FAM83B: variants seen among roughly 807,000 people sequenced by gnomAD.
The protein encoded by FAM83B is scaffolding CK1 anchoring protein B.
FAM83B carries 26 observed loss-of-function variants against 38.8 expected under a neutral mutation model. The observed-to-expected ratio is 0.67, with a 90% CI of 0.49 to 0.93. FAM83B has a LOEUF of 0.93. FAM83B is among the 40% of genes least tolerant of loss of function. FAM83B has a pLI of 0.00. For synonymous variants in FAM83B, 419 were observed against 423.1 expected, an observed-to-expected ratio of 0.99 and a Z score of 0.12; for missense variants, 1,237 against 1,197.3, an observed-to-expected ratio of 1.03 and a Z score of -0.49.
chr6:54,935,847 A>G (rs1279125833), intron 4 of FAM83B, among the ~76,000 whole-genome samples: 1 of 152,138 alleles, frequency 6.6e-6, no homozygotes, highest in Non-Finnish European at 1.5e-5. Context: ...AAAAGAGGGC[A>G]TTCAAAGATG....
chr6:54,915,557 A>C (rs1229178904), intron 2 of FAM83B, among the ~76,000 whole-genome samples: 1 of 91,332 alleles, frequency 1.1e-5, no homozygotes, highest in Non-Finnish European at 2.1e-5. Context: ...CTGTAATCCC[A>C]GCACTTTGGG....
chr6:54,902,201 A>G lies in FAM83B; in HGVS notation c.445-24170A>G, dbSNP rs1446389144. On this transcript the variant is annotated intron_variant, in intron 2 of 4. Transcript: ENST00000306858. ...AAAGCTTTGTCCCGAGATGCCCTCA[A>G]GTTCCATTTCAGAGGTGTTTGCAAA... Among the ~76,000 whole-genome samples the G allele has an allele frequency of 2.6e-5, 4 of 152,270 alleles. No homozygotes were observed. In the East Asian group the frequency reaches 7.7e-4, roughly 29 times the overall value.
intron 2 of FAM83B, among the ~76,000 whole-genome samples, chr6:54,883,424 T>C (rs1168585862): frequency 1.4e-5 from 2 of 144,648 alleles, no homozygotes; most frequent in Admixed American, 1.4e-4. Flanking sequence ...AACCTCCGCC[T>C]CCCAGGTTCA....
At chr6:54,891,097 G>A (rs548717426) in intron 2 of FAM83B, among the ~76,000 whole-genome samples, 3 of 152,190 alleles carry the variant, frequency 2.0e-5, no homozygotes, top group South Asian at 4.1e-4. Flanking sequence ...CCTGCTGCTA[G>A]TGTCTCAGGT....
chr6:54,856,149 G>T (rs1473383804), intron 1 of FAM83B, among the ~76,000 whole-genome samples: 3 of 152,172 alleles, frequency 2.0e-5, no homozygotes, highest in African/African-American at 7.2e-5. Context: ...TTTGAAATCA[G>T]TTAGAACTTT....
intron 1 of FAM83B, among the ~76,000 whole-genome samples, chr6:54,857,847 G>A (rs933513717): frequency 2.0e-5 from 3 of 152,144 alleles, no homozygotes; most frequent in Middle Eastern, 3.4e-3. Flanking sequence ...ATGGGTAGTC[G>A]GGAAGACCTC....
chr6:54,934,158 G>C (rs1158923789), intron 4 of FAM83B, among the ~76,000 whole-genome samples: 1 of 152,086 alleles, frequency 6.6e-6, no homozygotes, highest in Non-Finnish European at 1.5e-5. Context: ...TACTGACCTT[G>C]TGTTTGTGTT....
chr6:54,853,607 AC>A (rs1244996339), intron 1 of FAM83B, among the ~76,000 whole-genome samples: 1 of 152,144 alleles, frequency 6.6e-6, no homozygotes, highest in East Asian at 1.9e-4. Flanking sequence ...AGGTCTACTG[AC>A]TTTTTAAGCC....
chr6:54,934,303 A>G (rs186584489), intron 4 of FAM83B, among the ~76,000 whole-genome samples: 3 of 152,166 alleles, frequency 2.0e-5, no homozygotes, highest in Admixed American at 2.0e-4. Flanking sequence ...TCATCTGTTA[A>G]TCTTTGTTAT....
intron 2 of FAM83B, among the ~76,000 whole-genome samples, chr6:54,920,688 T>A (rs963237840): frequency 2.6e-5 from 4 of 151,958 alleles, no homozygotes; most frequent in Non-Finnish European, 5.9e-5. Context: ...TCATTTATTT[T>A]CACTTTTCTT....
Position 54,934,049 on chromosome 6 carries a change from G to C in FAM83B, c.735-5657G>C, listed in dbSNP as rs574728882. On this transcript the variant is annotated intron_variant, in intron 4 of 4. Coordinates refer to ENST00000306858, the MANE Select transcript of FAM83B (RefSeq NM_001010872.3). ...TTCTGGGTGCTCTATCTTTTCAATT[G>C]GTCGCTAGCATTTCACAGAGGTCTT... is the stretch of plus-strand genomic sequence containing the variant. Among the ~76,000 whole-genome samples, 5 of 152,182 alleles carry C rather than the reference G, an allele frequency of 3.3e-5. No homozygotes were observed. The South Asian group carries it at 1.0e-3, about 32-fold the overall frequency.
intron 1 of FAM83B, among the ~76,000 whole-genome samples, chr6:54,847,795 G>T (rs1771177091): frequency 1.3e-5 from 2 of 152,230 alleles, no homozygotes; most frequent in African/African-American, 4.8e-5. Context: ...GAAGTTATAG[G>T]GTCTCTCTGA....
At chr6:54,932,007 CTTT>C (rs377085448) in intron 4 of FAM83B, among the ~76,000 whole-genome samples, 1 of 89,184 alleles carries the variant, frequency 1.1e-5, no homozygotes, top group Non-Finnish European at 2.0e-5. Context: ...TTACATAAAA[CTTT>C]TTTTTTTTTT....
chr6:54,850,347 ACTGCT>A (rs1771243396), intron 1 of FAM83B, among the ~76,000 whole-genome samples: 1 of 152,190 alleles, frequency 6.6e-6, no homozygotes, highest in Non-Finnish European at 1.5e-5. Flanking sequence ...TCCCACCCAC[ACTGCT>A]CTGAAATTCT....
chr6:54,877,119 C>T (rs1772015567), intron 2 of FAM83B, among the ~76,000 whole-genome samples: 1 of 151,986 alleles, frequency 6.6e-6, no homozygotes, highest in Admixed American at 6.6e-5. Context: ...CAGGGCTAAG[C>T]CACAAAAATA....
chr6:54,893,431 A>T (rs1772449418), intron 2 of FAM83B, among the ~76,000 whole-genome samples: 2 of 152,158 alleles, frequency 1.3e-5, no homozygotes, highest in South Asian at 4.1e-4. Flanking sequence ...TTAATGAAAC[A>T]TGTAAATACA....
chr6:54,930,274 A>G (rs1437640712), intron 4 of FAM83B, among the ~76,000 whole-genome samples: 1 of 151,964 alleles, frequency 6.6e-6, no homozygotes, highest in Non-Finnish European at 1.5e-5. Context: ...TTTGTTTTCT[A>G]TTTATCTATT....
At chr6:54,882,484 G>A (rs1772155454) in intron 2 of FAM83B, among the ~76,000 whole-genome samples, 1 of 152,220 alleles carries the variant, frequency 6.6e-6, no homozygotes, top group South Asian at 2.1e-4. Flanking sequence ...TGGTATTTGA[G>A]CCTGGGTCAT....
chr6:54,888,840 C>T (rs1772338947), intron 2 of FAM83B, among the ~76,000 whole-genome samples: 1 of 151,878 alleles, frequency 6.6e-6, no homozygotes, highest in Non-Finnish European at 1.5e-5. Context: ...ATTGCTTCTA[C>T]CTTCTGTTTC....
Sources: gnomAD v4.1 joint callset for allele counts (sites outside exome capture counted in the v4.1 genomes callset) on GRCh38, gnomAD v4.1.1 for gene constraint, MANE v1.5 for transcripts, NCBI Gene and HGNC (gene_info 2026-07-23, HGNC 2026-07-21) for gene names.